The following ZCCHC17 variants were observed in gnomAD, a reference collection of about 807,000 sequenced individuals.
ZCCHC17 encodes zinc finger CCHC domain-containing protein 17.
Under a neutral mutation model 30.6 loss-of-function variants are expected in ZCCHC17, and 18 were observed. The observed-to-expected ratio is 0.59, with a 90% CI of 0.41 to 0.87. The LOEUF (loss-of-function observed/expected upper bound fraction) is 0.87. Ranked by LOEUF, ZCCHC17 falls within the 40% of genes least tolerant of loss-of-function variation. The pLI, the probability that ZCCHC17 is intolerant of heterozygous loss-of-function variation, is 0.00. For missense variants in ZCCHC17, 263 were observed against 284.2 expected (o/e 0.93, Z 0.54); for synonymous variants, 88 against 92.4 (o/e 0.95, Z 0.27).
intron 3 of ZCCHC17, among the ~76,000 whole-genome samples, chr1:31,321,357 G>A (rs1646855952): frequency 6.6e-6 from 1 of 152,132 alleles, no homozygotes; most frequent in Admixed American, 6.5e-5. Flanking sequence ...CCCCATGGTT[G>A]TTAAGTTTCT....
chr1:31,353,878 CT>C (rs1639553497), intron 7 of ZCCHC17, among the ~76,000 whole-genome samples: 1 of 152,122 alleles, frequency 6.6e-6, no homozygotes, highest in Non-Finnish European at 1.5e-5. Context: ...TTTTAGTAAG[CT>C]TTGAAGTTGG....
intron 3 of ZCCHC17, among the ~76,000 whole-genome samples, chr1:31,320,668 A>G (rs951409580): frequency 1.3e-5 from 2 of 152,254 alleles, no homozygotes; most frequent in South Asian, 4.1e-4. Flanking sequence ...TGCCATTACA[A>G]ATTTATTGCA....
chr1:31,332,284 G>A (rs1463843065), intron 3 of ZCCHC17, among the ~76,000 whole-genome samples: 1 of 152,104 alleles, frequency 6.6e-6, no homozygotes. Context: ...CTACAGACTT[G>A]GATATGCAAC....
chr1:31,302,153 G>A lies in ZCCHC17; in HGVS notation c.-56+5078G>A, dbSNP rs989641892. 3.3e-5 allele frequency among the ~76,000 whole-genome samples: 5 copies of A among 152,096 alleles called. No homozygotes were observed. The East Asian group carries it at 5.8e-4, about 18-fold the overall frequency. On this transcript the variant is annotated intron_variant, in intron 1 of 7. Transcript: ENST00000344147. Reference sequence around the variant, plus strand: ...AGAGGTGACAGAATCACTTGAACCCGGGAAGTGGAGGTTGCAGTGAGTCGA... The same window carrying A: ...AGAGGTGACAGAATCACTTGAACCCAGGAAGTGGAGGTTGCAGTGAGTCGA...
At chr1:31,319,400 C>G (rs1646809984) in intron 3 of ZCCHC17, among the ~76,000 whole-genome samples, 1 of 152,132 alleles carries the variant, frequency 6.6e-6, no homozygotes, top group Non-Finnish European at 1.5e-5. Context: ...CTTCTGAAAC[C>G]AGCTCCTCCT....
At chr1:31,330,667 CAT>C (rs1212317200) in intron 3 of ZCCHC17, among the ~76,000 whole-genome samples, 3 of 152,044 alleles carry the variant, frequency 2.0e-5, no homozygotes, top group Admixed American at 6.6e-5. Flanking sequence ...CTGATAAACT[CAT>C]ATTTGAATTG....
In ZCCHC17 at chr1:31,364,034, G is replaced by C. The variant is rs751565998; in HGVS notation, c.567G>C (p.Glu189Asp). 6.2e-7 allele frequency: 1 copy of C among 1,606,556 alleles called. No individual in the cohort carries two copies. The highest frequency in any genetic ancestry group is 1.7e-5 in the Admixed American group (1 of 57,542). Residue 189 changes from glutamate to aspartate, a missense_variant and splice_region_variant, in exon 8 of 8, where the codon GAG (glutamate) becomes GAC (aspartate). Physicochemically the swap from Glu to Asp is conservative, Grantham distance 45. Transcript: ENST00000344147. ...GATTTTTAAAATTTTCTTTTCAGGA[G>C]AAGAAGAAAAAGAAACATAGAGATA... ...TRNPSRKRKK[E>D]KKKKKHRDRK...
chr1:31,315,936 G>C (rs902767036), intron 2 of ZCCHC17, among the ~76,000 whole-genome samples: 1 of 152,174 alleles, frequency 6.6e-6, no homozygotes, highest in Non-Finnish European at 1.5e-5. Context: ...CCATTCTGGA[G>C]CATATTAACC....
At chr1:31,311,232 A>G (rs1048402853) in intron 2 of ZCCHC17, among the ~76,000 whole-genome samples, 1 of 152,140 alleles carries the variant, frequency 6.6e-6, no homozygotes, top group African/African-American at 2.4e-5. Flanking sequence ...GCCTAGAATA[A>G]GATTTTTAAA....
chr1:31,362,807 C>T (rs1639965901), intron 7 of ZCCHC17, among the ~76,000 whole-genome samples: 1 of 152,120 alleles, frequency 6.6e-6, no homozygotes, highest in Admixed American at 6.5e-5. Flanking sequence ...CGCCTTTCAG[C>T]TTTAATGTCC....
chr1:31,332,300 A>G (rs890000436), intron 3 of ZCCHC17, among the ~76,000 whole-genome samples: 14 of 152,248 alleles, frequency 9.2e-5, no homozygotes, highest in African/African-American at 3.4e-4. Context: ...GCAACTGCCT[A>G]CCTGACATTT....
chr1:31,356,132 A>C (rs894208783), intron 7 of ZCCHC17, among the ~76,000 whole-genome samples: 2 of 152,262 alleles, frequency 1.3e-5, no homozygotes, highest in Non-Finnish European at 2.9e-5. Flanking sequence ...ACAGTTAAAA[A>C]AGTAACTCAT....
chr1:31,348,791 C>T, intron 6 of ZCCHC17, 38 bp from the exon 7 acceptor site: 1 of 1,611,522 alleles, frequency 6.2e-7, no homozygotes. Flanking sequence ...AGAGAGACTA[C>T]TTCCTTTTTC....
At chr1:31,339,751 A>G (rs1005812087) in intron 5 of ZCCHC17, among the ~76,000 whole-genome samples, 6 of 152,130 alleles carry the variant, frequency 3.9e-5, no homozygotes, top group African/African-American at 1.4e-4. Context: ...TCTCTTCCAC[A>G]TAGAGACCAC....
chr1:31,331,464 C>G (rs757218490), intron 3 of ZCCHC17, among the ~76,000 whole-genome samples: 7 of 151,334 alleles, frequency 4.6e-5, no homozygotes, highest in African/African-American at 1.5e-4. Context: ...AATATTCTAC[C>G]GAGGGAGAGA....
intron 6 of ZCCHC17, 77 bp from the exon 7 acceptor site, chr1:31,348,752 A>C: frequency 6.4e-7 from 1 of 1,557,258 alleles, no homozygotes; most frequent in Non-Finnish European, 8.8e-7. Context: ...CCATTTCAGG[A>C]GACTTGGGGA....
chr1:31,312,945 G>A (rs2148418425), intron 2 of ZCCHC17, among the ~76,000 whole-genome samples: 1 of 151,612 alleles, frequency 6.6e-6, no homozygotes, highest in East Asian at 1.9e-4. Flanking sequence ...GCTAAATTTT[G>A]TACTTTTAGT....
intron 3 of ZCCHC17, among the ~76,000 whole-genome samples, chr1:31,328,489 C>T (rs1638446459): frequency 6.6e-6 from 1 of 151,792 alleles, no homozygotes; most frequent in Non-Finnish European, 1.5e-5. Context: ...GCCTGGGTGA[C>T]AGAACAAGAC....
chr1:31,310,853 A>G (rs978453020), intron 2 of ZCCHC17, among the ~76,000 whole-genome samples: 15 of 152,198 alleles, frequency 9.9e-5, no homozygotes, highest in African/African-American at 2.9e-4. Context: ...ACATCTGGCC[A>G]TCACCCTTGA....
Sources: gnomAD v4.1 joint callset for allele counts (sites outside exome capture counted in the v4.1 genomes callset) on GRCh38, gnomAD v4.1.1 for gene constraint, MANE v1.5 for transcripts, NCBI Gene and HGNC (gene_info 2026-07-23, HGNC 2026-07-21) for gene names.